The following NTM variants were observed in gnomAD, a reference collection of about 807,000 sequenced individuals.
NTM encodes IgLON family member 2.
In NTM, 13 loss-of-function variants were observed where a neutral mutation model predicts 42.1. That is an observed-to-expected ratio of 0.31 (90% CI 0.20 to 0.49). The LOEUF (loss-of-function observed/expected upper bound fraction) is 0.49, where lower values mean the gene tolerates loss of function less well. Among genes scored for constraint, NTM ranks in the 20% least tolerant of loss-of-function variants. The pLI is 0.99. For missense variants in NTM, 373 were observed against 452.8 expected (o/e 0.82, Z 1.60); for synonymous variants, 187 against 179.2 (o/e 1.04, Z -0.35).
rs563205997 is a variant in NTM at position 131,782,489 on chromosome 11, C to A, written c.83-129075C>A. The stretch of plus-strand genomic sequence containing the variant: ...GAAAATAGAGAAAAAAGAAACACTT[C>A]TTAGTTTATTTTATGAGGCCATTAT... On this transcript the variant is annotated intron_variant, in intron 1 of 8. Transcript: ENST00000683400. Among the ~76,000 whole-genome samples, 4 of 151,994 alleles carry A rather than the reference C, an allele frequency of 2.6e-5. No individual in the cohort carries two copies. The South Asian group carries it at 6.2e-4, about 24-fold the overall frequency.
intron 4 of NTM, among the ~76,000 whole-genome samples, chr11:132,262,645 C>T (rs1233366495): frequency 6.6e-6 from 1 of 152,158 alleles, no homozygotes; most frequent in East Asian, 1.9e-4. Context: ...TAATCACCTC[C>T]CAAATGCCTC....
chr11:131,862,032 A>T (rs1394225997), intron 1 of NTM, among the ~76,000 whole-genome samples: 1 of 152,110 alleles, frequency 6.6e-6, no homozygotes, highest in African/African-American at 2.4e-5. Context: ...CAAGGACCAC[A>T]GTTCAGTTTA....
At chr11:131,610,819 C>T (rs575069993) in intron 1 of NTM, among the ~76,000 whole-genome samples, 43 of 152,220 alleles carry the variant, frequency 2.8e-4, no homozygotes, top group Non-Finnish European at 4.9e-4. Flanking sequence ...ATGAAATGAA[C>T]GCTGAGGATC....
intron 7 of NTM, 124 bp downstream of exon 7, chr11:132,314,827 G>T (rs2095381162): frequency 2.1e-5 from 29 of 1,379,870 alleles, no homozygotes; most frequent in Non-Finnish European, 2.7e-5. Context: ...TGGAGAGGGA[G>T]GAAAAAAAAG....
chr11:131,533,338 T>A (rs2051595039), intron 1 of NTM, among the ~76,000 whole-genome samples: 1 of 152,190 alleles, frequency 6.6e-6, no homozygotes, highest in African/African-American at 2.4e-5. Context: ...CGAGCGTGAT[T>A]TACACCCTGA....
At chr11:131,739,456 C>A (rs2135562002) in intron 1 of NTM, among the ~76,000 whole-genome samples, 1 of 152,296 alleles carries the variant, frequency 6.6e-6, no homozygotes, top group Non-Finnish European at 1.5e-5. Context: ...TGCATCAGTG[C>A]AATTCCAGCA....
intron 2 of NTM, among the ~76,000 whole-genome samples, chr11:132,013,214 T>C (rs1038688972): frequency 2.7e-4 from 41 of 152,078 alleles, no homozygotes; most frequent in African/African-American, 9.9e-4. Flanking sequence ...TTGAAGAAAT[T>C]GTTTTGAGAA....
chr11:131,564,441 AGGGGGAGAGAGAGAG>A (rs1237384967), intron 1 of NTM, among the ~76,000 whole-genome samples: 1 of 144,052 alleles, frequency 6.9e-6, no homozygotes, highest in East Asian at 2.2e-4. Flanking sequence ...TAGGGTGGGT[AGGGGGAGAGAGAGAG>A]GGAGGGAGAG....
intron 1 of NTM, among the ~76,000 whole-genome samples, chr11:131,541,563 C>A (rs1466751522): frequency 6.6e-6 from 1 of 151,684 alleles, no homozygotes; most frequent in Non-Finnish European, 1.5e-5. Context: ...CCAGTCAATT[C>A]GTGTGTGAAT....
intron 1 of NTM, among the ~76,000 whole-genome samples, chr11:131,699,531 C>A (rs1347396590): frequency 6.6e-6 from 1 of 152,136 alleles, no homozygotes; most frequent in Non-Finnish European, 1.5e-5. Context: ...CCTCCAGGAT[C>A]ACTAGCTGTA....
intron 2 of NTM, among the ~76,000 whole-genome samples, chr11:132,138,255 T>G (rs537056409): frequency 1.3e-5 from 2 of 152,316 alleles, no homozygotes; most frequent in South Asian, 4.1e-4. Context: ...AGCATGGACA[T>G]CCTGCTTCCA....
chr11:132,275,611 G>T, intron 4 of NTM, among the ~76,000 whole-genome samples: 1 of 139,284 alleles, frequency 7.2e-6, no homozygotes. Context: ...GTTTTTTACT[G>T]GTGTTTGTTT....
chr11:132,072,022 T>C (rs1260264820), intron 2 of NTM, among the ~76,000 whole-genome samples: 2 of 152,244 alleles, frequency 1.3e-5, no homozygotes, highest in South Asian at 4.1e-4. Flanking sequence ...AATTAGGAGA[T>C]GCTTGTTGTA....
intron 8 of NTM, among the ~76,000 whole-genome samples, chr11:132,333,246 C>T (rs1285446890): frequency 2.6e-5 from 4 of 152,162 alleles, no homozygotes; most frequent in Admixed American, 6.5e-5. Flanking sequence ...CCACCCTTGT[C>T]GTCTCAGAGT....
intron 1 of NTM, among the ~76,000 whole-genome samples, chr11:131,448,495 G>A (rs1591695255): frequency 6.6e-6 from 1 of 152,230 alleles, no homozygotes; most frequent in South Asian, 2.1e-4. Context: ...TTGCTAGGAT[G>A]AGATGATAGA....
At chr11:132,011,932 T>G (rs913507264) in intron 2 of NTM, among the ~76,000 whole-genome samples, 5 of 152,206 alleles carry the variant, frequency 3.3e-5, no homozygotes, top group African/African-American at 1.2e-4. Context: ...TAATTGTTCT[T>G]TTATTGCAAA....
In NTM at chr11:131,525,012, G is replaced by A. The variant is rs770135918; in HGVS notation, c.82+154124G>A. The stretch of plus-strand genomic sequence containing the variant: ...AGGGGATGCCTGATAAATGTTTAAG[G>A]TGATGGGATGTATCCTAAGTAATTT... On this transcript the variant is annotated intron_variant, in intron 1 of 8. Transcript: ENST00000683400. Among the ~76,000 whole-genome samples, 3 of 152,084 alleles carry A rather than the reference G, an allele frequency of 2.0e-5. No homozygotes were observed. The East Asian group carries it at 5.8e-4, about 29-fold the overall frequency.
At chr11:131,893,725 G>T (rs1217431981) in intron 1 of NTM, among the ~76,000 whole-genome samples, 1 of 152,204 alleles carries the variant, frequency 6.6e-6, no homozygotes, top group Non-Finnish European at 1.5e-5. Flanking sequence ...AGGGCATCAA[G>T]GAAGCCTGGA....
At chr11:131,600,741 A>G (rs1340791998) in intron 1 of NTM, among the ~76,000 whole-genome samples, 2 of 152,144 alleles carry the variant, frequency 1.3e-5, no homozygotes, top group Admixed American at 1.3e-4. Context: ...AGAATGGGAG[A>G]TAGGTTTGCC....
Sources: gnomAD v4.1 joint callset for allele counts (sites outside exome capture counted in the v4.1 genomes callset) on GRCh38, gnomAD v4.1.1 for gene constraint, MANE v1.5 for transcripts, NCBI Gene and HGNC (gene_info 2026-07-23, HGNC 2026-07-21) for gene names.